The following MTHFD1L variants were observed in gnomAD, a reference collection of about 807,000 sequenced individuals.
MTHFD1L encodes methylenetetrahydrofolate dehydrogenase (NADP+ dependent) 1 like, also known as monofunctional C1-tetrahydrofolate synthase, mitochondrial.
A neutral mutation model predicts 119.5 loss-of-function variants in MTHFD1L; 81 were observed. That is an observed-to-expected ratio of 0.68 (90% confidence interval 0.57 to 0.82). The LOEUF is 0.82. Ranked by LOEUF, MTHFD1L falls within the 40% of genes least tolerant of loss-of-function variation. MTHFD1L has a pLI of 0.00. For missense variants in MTHFD1L, 1,125 were observed against 1,253.4 expected, an observed-to-expected ratio of 0.90 and a Z score of 1.55; for synonymous variants, 430 against 475.2, an observed-to-expected ratio of 0.90 and a Z score of 1.24.
At chr6:150,994,090 A>G (rs570891409) in intron 20 of MTHFD1L, among the ~76,000 whole-genome samples, 8 of 133,424 alleles carry the variant, frequency 6.0e-5, no homozygotes, top group African/African-American at 2.6e-4. Flanking sequence ...AGAAAGAAAG[A>G]AAGAAAGTGA....
intron 26 of MTHFD1L, among the ~76,000 whole-genome samples, chr6:151,065,308 T>C (rs886935801): frequency 1.6e-4 from 25 of 152,226 alleles, no homozygotes; most frequent in African/African-American, 5.1e-4. Flanking sequence ...TCACGCCATC[T>C]TGACTTGCCT....
intron 8 of MTHFD1L, among the ~76,000 whole-genome samples, chr6:150,914,381 AG>A (rs1338046827): frequency 6.6e-6 from 1 of 152,218 alleles, no homozygotes; most frequent in Non-Finnish European, 1.5e-5. Context: ...TTAATTTTGC[AG>A]GTAGTAAACC....
intron 8 of MTHFD1L, among the ~76,000 whole-genome samples, chr6:150,916,737 CTTTTTTTTTTTTTTTTTTTTTTTTTTT>C (rs57961829): frequency 0.42 from 30,639 of 72,514 alleles, 4,878 homozygotes; most frequent in African/African-American, 0.52. Flanking sequence ...GATTCTATCC[CTTTTTTTTTTTTTTTTTTTTTTTTTTT>C]TTTTTTTTTT....
chr6:151,002,778 G>A (rs10484781), intron 20 of MTHFD1L, among the ~76,000 whole-genome samples: 18,397 of 152,210 alleles, frequency 0.12, 2,512 homozygotes, highest in African/African-American at 0.33. Context: ...TAGTGCATTC[G>A]TAATATTCTC....
chr6:151,008,996 C>T (rs982374304), intron 20 of MTHFD1L, among the ~76,000 whole-genome samples: 1 of 151,554 alleles, frequency 6.6e-6, no homozygotes, highest in African/African-American at 2.4e-5. Context: ...GTGGTGGGTT[C>T]CTGTAATCCC....
intron 7 of MTHFD1L, among the ~76,000 whole-genome samples, chr6:150,891,966 A>G (rs1783366886): frequency 6.6e-6 from 1 of 152,228 alleles, no homozygotes; most frequent in Non-Finnish European, 1.5e-5. Flanking sequence ...CAGGTGTCTC[A>G]GCAGATTTGG....
chr6:150,922,274 A>G lies in MTHFD1L; in HGVS notation c.1054A>G (p.Lys352Glu). Residue 352 changes from lysine (K) to glutamate (E), a missense_variant, in exon 10 of 28, where the codon AAA becomes GAA. By Grantham distance (56) the Lys-to-Glu change is moderately conservative. Transcript: ENST00000367321. ...QHRRWRLHCL[K>E]LQPLSPVPSD... ...CAGGCGGTGGAGACTTCACTGCTTG[A>G]AACTTCAGCCTCTCTCCCCTGTGCC... 1 of 1,614,002 alleles carries G rather than the reference A, an allele frequency of 6.2e-7. No individual in the cohort carries two copies. Among genetic ancestry groups the G allele is most frequent in the South Asian group, 1.1e-5 (1 of 91,060 alleles).
Position 150,865,986 on chromosome 6 carries a change from GC to G in MTHFD1L, c.166del (p.Gln56ArgfsTer31). The G allele has an allele frequency of 7.6e-7, 1 of 1,309,964 alleles. No homozygotes were observed. Among genetic ancestry groups the G allele is most frequent in the Non-Finnish European group, 9.7e-7 (1 of 1,035,994 alleles). The allele number at this position is 1,309,964 out of a possible 1,614,324, so 81.1% of individuals were successfully genotyped here. A position where few individuals can be genotyped will look rare whatever the true frequency, so the allele number is the denominator to read the frequency against. Reference sequence around the variant, plus strand: ...CTTGGACAGCGGCGGCCGCAGGATGGCCAGGCCCGGAGCAGCTGCAGCCCCG... The same window carrying G: ...CTTGGACAGCGGCGGCCGCAGGATGGCAGGCCCGGAGCAGCTGCAGCCCCG... ...GLLGQRRPQD[G>X]QARSSCSPGG... On this transcript the variant is annotated frameshift_variant, in exon 1 of 28. Coordinates refer to ENST00000367321, the MANE Select transcript of MTHFD1L (RefSeq NM_015440.5). LOFTEE classifies it high-confidence loss of function.
chr6:151,067,525 C>T (rs773465908), intron 26 of MTHFD1L, among the ~76,000 whole-genome samples: 1 of 152,056 alleles, frequency 6.6e-6, no homozygotes, highest in African/African-American at 2.4e-5. Flanking sequence ...GGCTTCACCA[C>T]GTTGGCCAGG....
At chr6:151,059,074 G>A (rs1013824853) in intron 26 of MTHFD1L, among the ~76,000 whole-genome samples, 9 of 152,186 alleles carry the variant, frequency 5.9e-5, no homozygotes, top group African/African-American at 2.2e-4. Context: ...CGCTGAAGGA[G>A]TCGGGCTCTC....
intron 26 of MTHFD1L, among the ~76,000 whole-genome samples, chr6:151,044,666 G>C (rs1244819961): frequency 2.6e-5 from 4 of 152,082 alleles, no homozygotes; most frequent in African/African-American, 9.7e-5. Context: ...GTGGAAACCT[G>C]CCCAGGGACC....
chr6:150,970,693 T>C (rs1248696822), intron 19 of MTHFD1L, among the ~76,000 whole-genome samples: 1 of 152,196 alleles, frequency 6.6e-6, no homozygotes, highest in African/African-American at 2.4e-5. Flanking sequence ...AACCCAGAAC[T>C]CAAGATAAAT....
chr6:150,985,660 C>CAAAAAAAAAA (rs71014533), intron 20 of MTHFD1L, among the ~76,000 whole-genome samples: 3 of 78,960 alleles, frequency 3.8e-5, no homozygotes, highest in Admixed American at 1.4e-4. Flanking sequence ...GACTCTGTCT[C>CAAAAAAAAAA]AAAAAAAAAA....
At chr6:150,887,045 C>A (rs1054116091) in intron 6 of MTHFD1L, among the ~76,000 whole-genome samples, 3 of 151,376 alleles carry the variant, frequency 2.0e-5, no homozygotes, top group Admixed American at 2.0e-4. Flanking sequence ...ATCTTTTTCT[C>A]TACTCCAGTT....
chr6:151,074,158 G>A (rs1562630855), intron 26 of MTHFD1L, among the ~76,000 whole-genome samples: 1 of 152,086 alleles, frequency 6.6e-6, no homozygotes, highest in African/African-American at 2.4e-5. Context: ...AAACAAAGCT[G>A]AAATAAAGAC....
chr6:151,063,860 T>G (rs1186037972), intron 26 of MTHFD1L, among the ~76,000 whole-genome samples: 2 of 148,924 alleles, frequency 1.3e-5, no homozygotes, highest in African/African-American at 5.1e-5. Context: ...ATCAAAGACA[T>G]GAATTTGTGT....
At chr6:151,072,198 C>A (rs2128620027) in intron 26 of MTHFD1L, among the ~76,000 whole-genome samples, 1 of 152,006 alleles carries the variant, frequency 6.6e-6, no homozygotes, top group Non-Finnish European at 1.5e-5. Context: ...ATTATTTTTC[C>A]TGTATTTATT....
chr6:150,915,566 A>C (rs1328223016), intron 8 of MTHFD1L, among the ~76,000 whole-genome samples: 1 of 152,112 alleles, frequency 6.6e-6, no homozygotes, highest in Admixed American at 6.6e-5. Flanking sequence ...AGTTGATACC[A>C]GCTCCTGGAA....
chr6:151,016,528 G>T lies in MTHFD1L; in HGVS notation c.2586+835G>T, dbSNP rs539469900. Among the ~76,000 whole-genome samples the T allele has an allele frequency of 1.6e-3, 234 of 149,084 alleles. 1 individual carries two copies. Among genetic ancestry groups the T allele is most frequent in the African/African-American group, 5.9e-3 (230 of 38,806 alleles). ...AGTAGAGACGGGGTTTCACCATCTT[G>T]GGCAGGCTGGTCTCAAACTCCTGAT... On this transcript the variant is annotated intron_variant, in intron 24 of 27. Coordinates refer to ENST00000367321, the MANE Select transcript of MTHFD1L (RefSeq NM_015440.5).
Sources: allele counts gnomAD v4.1 joint callset (sites outside exome capture counted in the v4.1 genomes callset), GRCh38; gene constraint gnomAD v4.1.1; transcripts MANE v1.5; gene names NCBI Gene and HGNC (gene_info 2026-07-23, HGNC 2026-07-21).